KCNIP4: variants seen among roughly 807,000 people sequenced by gnomAD.
KCNIP4 encodes the protein Kv channel-interacting protein 4.
In KCNIP4, 12 loss-of-function variants were observed where a neutral mutation model predicts 34.0. The observed-to-expected ratio is 0.35, with a 90% CI of 0.23 to 0.57. The LOEUF (loss-of-function observed/expected upper bound fraction) is 0.57, where lower values mean the gene tolerates loss of function less well. KCNIP4 is among the 20% of genes least tolerant of loss of function. The pLI is 0.83. For synonymous variants in KCNIP4, 124 were observed against 102.2 expected, an observed-to-expected ratio of 1.21 and a Z score of -1.29; for missense variants, 238 against 311.7, an observed-to-expected ratio of 0.76 and a Z score of 1.78.
chr4:21,820,284 TG>T (rs1417767173), intron 1 of KCNIP4, among the ~76,000 whole-genome samples: 11 of 2,244 alleles, frequency 4.9e-3, no homozygotes, highest in Admixed American at 8.6e-3. Context: ...TGTGTGTGTG[TG>T]TATATATATA....
intron 1 of KCNIP4, among the ~76,000 whole-genome samples, chr4:21,570,663 C>T (rs1407558697): frequency 6.6e-6 from 1 of 151,996 alleles, no homozygotes; most frequent in African/African-American, 2.4e-5. Flanking sequence ...TGAAGCATGT[C>T]AATGGATTAG....
At chr4:21,015,452 A>G (rs1739418793) in intron 1 of KCNIP4, among the ~76,000 whole-genome samples, 1 of 141,604 alleles carries the variant, frequency 7.1e-6, no homozygotes, top group Admixed American at 7.5e-5. Flanking sequence ...TATATATTAT[A>G]TCATATAATA....
In KCNIP4 at chr4:20,732,274, TGTG is replaced by T. The variant is rs1357422898; in HGVS notation, c.643-209_643-207del. On this transcript the variant is annotated intron_variant, in intron 7 of 8. Transcript: ENST00000382152. ...TCTGGCTTTTCCCTTTTCAATATAATGTGGTGAAGATGTAGAGTCACTCTGTCC... is the reference window on the plus strand; with the variant it reads ...TCTGGCTTTTCCCTTTTCAATATAATGTGAAGATGTAGAGTCACTCTGTCC... 8.5e-5 allele frequency among the ~76,000 whole-genome samples: 13 copies of T among 152,306 alleles called. No individual in the cohort carries two copies. The South Asian group carries it at 2.5e-3, about 29-fold the overall frequency.
chr4:20,952,259 A>G (rs1732861233), intron 1 of KCNIP4, among the ~76,000 whole-genome samples: 1 of 152,220 alleles, frequency 6.6e-6, no homozygotes, highest in South Asian at 2.1e-4. Context: ...GGTGACTCAC[A>G]AAAGAAGAAA....
chr4:20,800,135 A>C (rs1415896904), intron 3 of KCNIP4, among the ~76,000 whole-genome samples: 5 of 152,216 alleles, frequency 3.3e-5, no homozygotes, highest in African/African-American at 1.2e-4. Context: ...AAATTCCTGT[A>C]GCCTAGACCA....
At chr4:21,222,581 T>C (rs915686303) in intron 1 of KCNIP4, among the ~76,000 whole-genome samples, 2 of 152,202 alleles carry the variant, frequency 1.3e-5, no homozygotes, top group Non-Finnish European at 2.9e-5. Context: ...ATGCAACTAC[T>C]GTTAACATGT....
intron 1 of KCNIP4, among the ~76,000 whole-genome samples, chr4:21,913,296 T>C (rs949972236): frequency 6.6e-6 from 1 of 151,890 alleles, no homozygotes; most frequent in African/African-American, 2.4e-5. Flanking sequence ...GCTATGATGC[T>C]ACAACTGCAC....
intron 1 of KCNIP4, among the ~76,000 whole-genome samples, chr4:21,291,085 T>A (rs1339747577): frequency 1.3e-5 from 2 of 151,388 alleles, no homozygotes; most frequent in African/African-American, 4.9e-5. Flanking sequence ...GCACAGCATG[T>A]TCCATTTCAA....
chr4:21,876,581 G>T (rs1560780795), intron 1 of KCNIP4, among the ~76,000 whole-genome samples: 1 of 152,036 alleles, frequency 6.6e-6, no homozygotes, highest in Non-Finnish European at 1.5e-5. Context: ...ATTAATTTTA[G>T]AGCCAAATAT....
chr4:21,436,238 C>A (rs1016724141), intron 1 of KCNIP4, among the ~76,000 whole-genome samples: 1 of 152,092 alleles, frequency 6.6e-6, no homozygotes, highest in Non-Finnish European at 1.5e-5. Flanking sequence ...CTGATATATA[C>A]CTAGTCAGAG....
At chr4:21,279,191 C>T (rs530234576) in intron 1 of KCNIP4, among the ~76,000 whole-genome samples, 26 of 152,200 alleles carry the variant, frequency 1.7e-4, no homozygotes, top group South Asian at 2.1e-4. Context: ...TTTGCATCAA[C>T]GTAATGGTAG....
At chr4:21,244,666 A>G (rs1029868709) in intron 1 of KCNIP4, among the ~76,000 whole-genome samples, 3 of 152,218 alleles carry the variant, frequency 2.0e-5, no homozygotes, top group African/African-American at 7.2e-5. Context: ...TGATTCTAAA[A>G]ATATTTCTTT....
chr4:21,647,937 G>C (rs904253637), intron 1 of KCNIP4, among the ~76,000 whole-genome samples: 2 of 130,818 alleles, frequency 1.5e-5, no homozygotes, highest in Non-Finnish European at 3.1e-5. Context: ...GCAGTGGCGT[G>C]ATCTCGGCTC....
chr4:21,436,003 G>A (rs1016753751), intron 1 of KCNIP4, among the ~76,000 whole-genome samples: 1 of 152,126 alleles, frequency 6.6e-6, no homozygotes, highest in Non-Finnish European at 1.5e-5. Context: ...CTCCCAGATC[G>A]TCTTCTTACT....
chr4:21,888,955 C>T (rs1400421461), intron 1 of KCNIP4, among the ~76,000 whole-genome samples: 2 of 152,112 alleles, frequency 1.3e-5, no homozygotes, highest in African/African-American at 4.8e-5. Flanking sequence ...ACTTGAAATG[C>T]TCCAAAATTC....
At chr4:21,301,347 C>CA (rs1357111028) in intron 1 of KCNIP4, among the ~76,000 whole-genome samples, 8 of 151,748 alleles carry the variant, frequency 5.3e-5, no homozygotes, top group Non-Finnish European at 7.4e-5. Context: ...TATAATAATA[C>CA]AAAAAAACTA....
chr4:21,481,311 G>A (rs550919766), intron 1 of KCNIP4, among the ~76,000 whole-genome samples: 1 of 152,248 alleles, frequency 6.6e-6, no homozygotes, highest in South Asian at 2.1e-4. Context: ...ACAGGAAAAG[G>A]TGAGTCCCTC....
intron 1 of KCNIP4, among the ~76,000 whole-genome samples, chr4:21,142,150 C>CAAAA (rs369182504): frequency 3.8e-5 from 4 of 105,920 alleles, no homozygotes; most frequent in Non-Finnish European, 7.5e-5. Flanking sequence ...GACACCGTCT[C>CAAAA]AAAAAAAAAA....
At chr4:21,223,895 T>C (rs1758165381) in intron 1 of KCNIP4, among the ~76,000 whole-genome samples, 1 of 152,084 alleles carries the variant, frequency 6.6e-6, no homozygotes, top group African/African-American at 2.4e-5. Flanking sequence ...GTGGTTCACC[T>C]TTAGCCGCCC....
Sources: allele counts gnomAD v4.1 joint callset (sites outside exome capture counted in the v4.1 genomes callset), GRCh38; gene constraint gnomAD v4.1.1; transcripts MANE v1.5; gene names NCBI Gene and HGNC (gene_info 2026-07-23, HGNC 2026-07-21).